Variants in BCAS3 observed in about 807,000 individuals in gnomAD.
The protein encoded by BCAS3 is BCAS4/BCAS3 fusion.
Under a neutral mutation model 116.1 loss-of-function variants are expected in BCAS3, and 53 were observed. That is an observed-to-expected ratio of 0.46 (90% confidence interval 0.37 to 0.57). The LOEUF (loss-of-function observed/expected upper bound fraction) is 0.57, where lower values mean the gene tolerates loss of function less well. Ranked by LOEUF, BCAS3 falls within the 20% of genes least tolerant of loss-of-function variation. BCAS3 has a pLI of 0.00. For synonymous variants in BCAS3, 391 were observed against 408.2 expected (o/e 0.96, Z 0.51); for missense variants, 917 against 1,165.4 (o/e 0.79, Z 3.10).
intron 6 of BCAS3, among the ~76,000 whole-genome samples, chr17:60,806,719 A>C (rs1027533710): frequency 4.0e-5 from 6 of 151,872 alleles, no homozygotes; most frequent in African/African-American, 1.2e-4. Flanking sequence ...TACCCAACTA[A>C]TTTTTTGTTT....
At position 61,380,542 on chromosome 17, in the gene BCAS3, C is replaced by G. The variant is rs991617648; in HGVS notation, c.2594-11435C>G. ...GACGTAGCAGTAAAAACCTTCCCCC[C>G]TGAGAGACACGTGGCAGTGAAGTGT... On this transcript the variant is annotated intron_variant, in intron 23 of 23. Coordinates refer to ENST00000407086, the MANE Select transcript of BCAS3 (RefSeq NM_017679.5). The surrounding 1 kb of genome is among the most constrained non-coding windows in gnomAD (Gnocchi z 4.2). 3 of 1,598,264 alleles carry G rather than the reference C, an allele frequency of 1.9e-6. No homozygotes were observed. The highest frequency in any genetic ancestry group is 2.5e-6 in the Non-Finnish European group (3 of 1,179,662).
At chr17:60,950,646 C>T (rs747244607) in intron 14 of BCAS3, among the ~76,000 whole-genome samples, 4 of 152,152 alleles carry the variant, frequency 2.6e-5, no homozygotes, top group Non-Finnish European at 4.4e-5. Flanking sequence ...GGCATATATT[C>T]TGAATTATTT....
chr17:60,724,328 C>T (rs868748584), intron 5 of BCAS3, among the ~76,000 whole-genome samples: 3 of 143,744 alleles, frequency 2.1e-5, no homozygotes, highest in African/African-American at 5.2e-5. Context: ...GTAGCTGAGG[C>T]GTGGGAATTG....
In BCAS3 at chr17:61,186,716, G is replaced by GTT. The variant is rs747039227; in HGVS notation, c.2425+102163_2425+102164dup. Among the ~76,000 whole-genome samples, 3 of 144,338 alleles carry GTT rather than the reference G, an allele frequency of 2.1e-5. No individual in the cohort carries two copies. The highest frequency in any genetic ancestry group is 4.6e-5 in the Non-Finnish European group (3 of 65,424). 94.7% of individuals were successfully genotyped at this position (144,338 alleles called of 152,430 possible). ...TTAGAGGCCACCAATATTAACAGTTGTTTTTTTTTTTTGAGACGGAGTCTC... is the reference window on the plus strand; with the variant it reads ...TTAGAGGCCACCAATATTAACAGTTGTTTTTTTTTTTTTTGAGACGGAGTCTC... On this transcript the variant is annotated intron_variant, in intron 22 of 23. Transcript: ENST00000407086. The surrounding 1 kb of genome is among the most constrained non-coding windows in gnomAD (Gnocchi z 4.9).
At chr17:61,385,459 A>C (rs2059800282) in intron 23 of BCAS3, among the ~76,000 whole-genome samples, 1 of 152,232 alleles carries the variant, frequency 6.6e-6, no homozygotes, top group South Asian at 2.1e-4. Flanking sequence ...TAGAGCAGTC[A>C]CGTGACCCGC....
intron 7 of BCAS3, among the ~76,000 whole-genome samples, chr17:60,866,132 A>T (rs1162519280): frequency 4.2e-5 from 6 of 142,698 alleles, no homozygotes; most frequent in South Asian, 2.2e-4. Flanking sequence ...TTATTTGCTA[A>T]TTTTTTTTTT....
chr17:61,167,549 G>A (rs1326175909), intron 22 of BCAS3, among the ~76,000 whole-genome samples: 2 of 152,186 alleles, frequency 1.3e-5, no homozygotes, highest in Non-Finnish European at 2.9e-5. Flanking sequence ...AGATGTCTGT[G>A]AAACTGTGTG....
intron 7 of BCAS3, among the ~76,000 whole-genome samples, chr17:60,816,279 C>T (rs1228449185): frequency 1.7e-4 from 24 of 140,078 alleles, no homozygotes; most frequent in Middle Eastern, 3.6e-3. Context: ...TTTTTCTTTT[C>T]TTTTTTTTTT....
rs1387146565 is a variant in BCAS3 at position 61,327,246 on chromosome 17, G to C, written c.2426-41081G>C. Among the ~76,000 whole-genome samples, 1 of 152,076 alleles carries C rather than the reference G, an allele frequency of 6.6e-6. No homozygotes were observed. The highest frequency in any genetic ancestry group is 1.9e-4 in the East Asian group (1 of 5,188). ...GAACTCAGGAGGTAGAGGTTGCAGT[G>C]AGCCAAGATTGCACCATTGCACTTC... On this transcript the variant is annotated intron_variant, in intron 22 of 23. Coordinates refer to ENST00000407086, the MANE Select transcript of BCAS3 (RefSeq NM_017679.5). The surrounding 1 kb of genome is among the most constrained non-coding windows in gnomAD (Gnocchi z 5.9).
intron 4 of BCAS3, 48 bp from the exon 5 acceptor site, chr17:60,709,171 C>A: frequency 2.2e-6 from 2 of 913,122 alleles, no homozygotes; most frequent in East Asian, 2.5e-5. Context: ...TTCTTGATTG[C>A]CATTATGTCT....
At chr17:60,803,959 G>A (rs1046342301) in intron 6 of BCAS3, among the ~76,000 whole-genome samples, 8 of 150,314 alleles carry the variant, frequency 5.3e-5, no homozygotes, top group Non-Finnish European at 1.0e-4. Context: ...GCACCACCAC[G>A]CCCGGCTAAT....
chr17:61,301,123 C>T (rs922696663), intron 22 of BCAS3, among the ~76,000 whole-genome samples: 1 of 152,204 alleles, frequency 6.6e-6, no homozygotes, highest in African/African-American at 2.4e-5. Context: ...CAAACTGCAG[C>T]CCACAGACTG....
chr17:61,196,659 G>A lies in BCAS3; in HGVS notation c.2425+112095G>A, dbSNP rs1291119313. 6.6e-6 allele frequency among the ~76,000 whole-genome samples: 1 copy of A among 152,202 alleles called. No homozygotes were observed. The highest frequency in any genetic ancestry group is 1.5e-5 in the Non-Finnish European group (1 of 68,040). ...TGAAAAGAGGAGAGGAAAGGGAAAA[G>A]GAAGAAAGCCTACAAGCATGACTGC... On this transcript the variant is annotated intron_variant, in intron 22 of 23. Transcript: ENST00000407086. The surrounding 1 kb of genome is among the most constrained non-coding windows in gnomAD (Gnocchi z 4.7).
chr17:61,241,323 C>T lies in BCAS3; in HGVS notation c.2426-127004C>T, dbSNP rs2047496632. Among the ~76,000 whole-genome samples the T allele has an allele frequency of 6.6e-6, 1 of 151,972 alleles. No individual in the cohort carries two copies. Among genetic ancestry groups the T allele is most frequent in the Non-Finnish European group, 1.5e-5 (1 of 68,024 alleles). ...CACGTCTTCCTTTGGCTCTGTTGTC[C>T]TCTGCTTGTTTCATCTTGTGACTTA... On this transcript the variant is annotated intron_variant, in intron 22 of 23. Transcript: ENST00000407086. This position sits in a 1 kb window ranked among gnomAD's most constrained non-coding sequence, Gnocchi z 4.6.
chr17:61,373,365 C>T (rs975606690), intron 23 of BCAS3, among the ~76,000 whole-genome samples: 1 of 151,962 alleles, frequency 6.6e-6, no homozygotes, highest in Non-Finnish European at 1.5e-5. Context: ...GCTGGGATTA[C>T]AGGCATGAAC....
chr17:61,368,241 T>C lies in BCAS3; in HGVS notation c.2426-86T>C, dbSNP rs940085101. On this transcript the variant is annotated intron_variant, in intron 22 of 23. Transcript: ENST00000407086. This position sits in a 1 kb window ranked among gnomAD's most constrained non-coding sequence, Gnocchi z 6.0. ...GGAAGGCTACAATGGACCCTGGGTA[T>C]GGAGAGGAGCGGGTGGGAGGTAGAC... 7.1e-7 allele frequency: 1 copy of C among 1,404,846 alleles called. No individual in the cohort carries two copies. The highest frequency in any genetic ancestry group is 9.7e-7 in the Non-Finnish European group (1 of 1,032,246). The allele number at this position is 1,404,846 out of a possible 1,614,324, so 87.0% of individuals were successfully genotyped here.
intron 14 of BCAS3, among the ~76,000 whole-genome samples, chr17:60,988,994 T>C (rs989941208): frequency 1.3e-5 from 2 of 151,070 alleles, no homozygotes; most frequent in Admixed American, 1.3e-4. Context: ...GAAGTTTTCC[T>C]TTTTTTTTAT....
intron 7 of BCAS3, among the ~76,000 whole-genome samples, chr17:60,844,430 A>C (rs2052303490): frequency 6.6e-6 from 1 of 152,178 alleles, no homozygotes; most frequent in South Asian, 2.1e-4. Flanking sequence ...CCCATTTTAG[A>C]TGAGGTGTTA....
intron 5 of BCAS3, among the ~76,000 whole-genome samples, chr17:60,731,818 G>C (rs999802312): frequency 1.4e-5 from 2 of 139,344 alleles, no homozygotes; most frequent in Admixed American, 7.4e-5. Context: ...TCATTTTGTC[G>C]CCCAGGCTGG....
Sources: gnomAD v4.1 joint callset for allele counts (sites outside exome capture counted in the v4.1 genomes callset) on GRCh38, gnomAD v4.1.1 for gene constraint, Gnocchi (gnomAD v3.1) non-coding constraint, MANE v1.5 for transcripts, NCBI Gene and HGNC (gene_info 2026-07-23, HGNC 2026-07-21) for gene names.